The following ASIC2 variants were observed in gnomAD, a reference collection of about 807,000 sequenced individuals.
The protein encoded by ASIC2 is acid-sensing ion channel 2.
In ASIC2, 25 loss-of-function variants were observed where a neutral mutation model predicts 57.3. The observed-to-expected ratio is 0.44, with a 90% CI of 0.32 to 0.61. ASIC2 has a LOEUF of 0.61. Among genes scored for constraint, ASIC2 ranks in the 20% least tolerant of loss-of-function variants. The probability of loss-of-function intolerance (pLI) is 0.06; values close to 1 mark genes in which losing one functional copy is unlikely to be tolerated. For synonymous variants in ASIC2, 319 were observed against 307.5 expected, an observed-to-expected ratio of 1.04 and a Z score of -0.39; for missense variants, 641 against 738.1, an observed-to-expected ratio of 0.87 and a Z score of 1.52.
intron 1 of ASIC2, among the ~76,000 whole-genome samples, chr17:33,415,814 T>C (rs1246152265): frequency 6.6e-6 from 1 of 152,208 alleles, no homozygotes; most frequent in Admixed American, 6.5e-5. Context: ...GATGCTGAGA[T>C]GCTGCAGTTA....
At chr17:33,487,876 G>A (rs903278022) in intron 1 of ASIC2, among the ~76,000 whole-genome samples, 1 of 152,160 alleles carries the variant, frequency 6.6e-6, no homozygotes, top group African/African-American at 2.4e-5. Context: ...TTTGCCAGGG[G>A]CTCTTGGGCC....
intron 1 of ASIC2, among the ~76,000 whole-genome samples, chr17:33,211,916 C>A (rs1350050620): frequency 1.3e-5 from 2 of 152,146 alleles, no homozygotes; most frequent in Non-Finnish European, 2.9e-5. Context: ...TACAGTACAC[C>A]AGCTCCATGC....
chr17:33,268,993 G>A (rs2142154648), intron 1 of ASIC2, among the ~76,000 whole-genome samples: 1 of 151,844 alleles, frequency 6.6e-6, no homozygotes. Flanking sequence ...CAGAAGGAGG[G>A]GGTTGGATGA....
chr17:33,551,938 TG>T (rs1414323276), intron 1 of ASIC2, among the ~76,000 whole-genome samples: 2 of 152,166 alleles, frequency 1.3e-5, no homozygotes, highest in Non-Finnish European at 2.9e-5. Flanking sequence ...AGCCTGAGGC[TG>T]GGTGTGAGAA....
chr17:33,634,186 GAA>G (rs1906270148), intron 1 of ASIC2, among the ~76,000 whole-genome samples: 1 of 152,202 alleles, frequency 6.6e-6, no homozygotes, highest in Non-Finnish European at 1.5e-5. Flanking sequence ...CTAGTTCCCT[GAA>G]TATACTGCCC....
intron 1 of ASIC2, among the ~76,000 whole-genome samples, chr17:34,095,059 C>G (rs1357618047): frequency 1.3e-5 from 2 of 152,226 alleles, no homozygotes; most frequent in African/African-American, 4.8e-5. Flanking sequence ...TGTCCCACCC[C>G]TGGGTCTTCA....
At chr17:33,224,334 A>G (rs1250511814) in intron 1 of ASIC2, among the ~76,000 whole-genome samples, 1 of 152,236 alleles carries the variant, frequency 6.6e-6, no homozygotes, top group Non-Finnish European at 1.5e-5. Context: ...GAGACGCCAC[A>G]TCTGTTTCTG....
chr17:33,070,832 GA>G (rs2092066057), intron 3 of ASIC2, among the ~76,000 whole-genome samples: 2 of 151,884 alleles, frequency 1.3e-5, no homozygotes, highest in Non-Finnish European at 2.9e-5. Flanking sequence ...ATATGTCTGA[GA>G]AGACTTATTT....
chr17:33,829,288 A>C (rs1321015724), intron 1 of ASIC2, among the ~76,000 whole-genome samples: 1 of 152,198 alleles, frequency 6.6e-6, no homozygotes, highest in Non-Finnish European at 1.5e-5. Context: ...AACAGAGTGC[A>C]TTGTAGGATT....
intron 1 of ASIC2, among the ~76,000 whole-genome samples, chr17:33,274,911 G>A (rs1480488039): frequency 2.0e-5 from 3 of 152,046 alleles, no homozygotes; most frequent in East Asian, 3.9e-4. Context: ...CTCATCACTC[G>A]GCAGTTGTGG....
intron 1 of ASIC2, among the ~76,000 whole-genome samples, chr17:33,331,985 C>T (rs931342533): frequency 6.6e-6 from 1 of 152,240 alleles, no homozygotes; most frequent in African/African-American, 2.4e-5. Flanking sequence ...TGAATCAGGG[C>T]CCCTGGGGCA....
intron 1 of ASIC2, among the ~76,000 whole-genome samples, chr17:33,565,239 G>A (rs149665572): frequency 6.6e-6 from 1 of 152,274 alleles, no homozygotes; most frequent in Non-Finnish European, 1.5e-5. Flanking sequence ...TTCCATATGA[G>A]CCATCCAACT....
chr17:33,716,350 C>T (rs1329388269), intron 1 of ASIC2, among the ~76,000 whole-genome samples: 1 of 152,214 alleles, frequency 6.6e-6, no homozygotes, highest in Non-Finnish European at 1.5e-5. Context: ...TGATCCTTGA[C>T]TACCTCTTCA....
At chr17:33,465,459 G>T (rs972044746) in intron 1 of ASIC2, among the ~76,000 whole-genome samples, 1 of 141,340 alleles carries the variant, frequency 7.1e-6, no homozygotes, top group Admixed American at 7.6e-5. Flanking sequence ...TACAACCTCC[G>T]CCTGCCGGGT....
chr17:33,386,255 A>G (rs1909673536), intron 1 of ASIC2, among the ~76,000 whole-genome samples: 1 of 152,068 alleles, frequency 6.6e-6, no homozygotes, highest in Non-Finnish European at 1.5e-5. Context: ...CTAGAGACCC[A>G]CCTGTATCCC....
chr17:33,572,688 C>G (rs577324087), intron 1 of ASIC2, among the ~76,000 whole-genome samples: 1 of 152,330 alleles, frequency 6.6e-6, no homozygotes, highest in East Asian at 1.9e-4. Flanking sequence ...CAGCCGCTTA[C>G]CTGAATCAAG....
intron 1 of ASIC2, among the ~76,000 whole-genome samples, chr17:34,126,526 GGA>G (rs1464166765): frequency 6.6e-6 from 1 of 152,158 alleles, no homozygotes; most frequent in African/African-American, 2.4e-5. Flanking sequence ...GCAACATCAG[GGA>G]GAACACTGAG....
At chr17:33,981,965 C>T (rs1461179858) in intron 1 of ASIC2, among the ~76,000 whole-genome samples, 1 of 152,150 alleles carries the variant, frequency 6.6e-6, no homozygotes, top group African/African-American at 2.4e-5. Context: ...GGAGAATTGG[C>T]ACCAACCGGA....
In ASIC2 at chr17:33,282,599, C is replaced by T. The variant is rs56047372; in HGVS notation, c.708+8809G>A. On this transcript the variant is annotated intron_variant, in intron 1 of 9. Transcript: ENST00000225823. Reference sequence around the variant, plus strand: ...AGGTGATTCTCCTGCCTCAGCCTCCCTAGTAGCTGGGACTACAGTTGCCTG... The same window carrying T: ...AGGTGATTCTCCTGCCTCAGCCTCCTTAGTAGCTGGGACTACAGTTGCCTG... Among the ~76,000 whole-genome samples the T allele has an allele frequency of 5.4e-3, 827 of 152,126 alleles. 4 individuals carry two copies. The highest frequency in any genetic ancestry group is 9.4e-3 in the Non-Finnish European group (641 of 67,996).
Sources: gnomAD v4.1 joint callset for allele counts (sites outside exome capture counted in the v4.1 genomes callset) on GRCh38, gnomAD v4.1.1 for gene constraint, MANE v1.5 for transcripts, NCBI Gene and HGNC (gene_info 2026-07-23, HGNC 2026-07-21) for gene names.